ZSWIM6: variants seen among roughly 807,000 people sequenced by gnomAD.
ZSWIM6 encodes the protein zinc finger SWIM domain-containing protein 6.
In ZSWIM6, 9 loss-of-function variants were observed where a neutral mutation model predicts 113.2. The observed-to-expected ratio is 0.08, with a 90% CI of 0.05 to 0.14. The LOEUF is 0.14. Among genes scored for constraint, ZSWIM6 ranks in the 10% least tolerant of loss-of-function variants. The probability of loss-of-function intolerance (pLI) is 1.00; values close to 1 mark genes in which losing one functional copy is unlikely to be tolerated. For synonymous variants in ZSWIM6, 611 were observed against 606.5 expected (o/e 1.01, Z -0.11); for missense variants, 1,162 against 1,552.2 (o/e 0.75, Z 4.22).
At chr5:61,454,567 GTTTTTTTT>G (rs35249460) in intron 1 of ZSWIM6, among the ~76,000 whole-genome samples, 7 of 128,244 alleles carry the variant, frequency 5.5e-5, no homozygotes, top group Non-Finnish European at 6.5e-5. Context: ...CTATCCCTAA[GTTTTTTTT>G]TTTTTTTTTT....
chr5:61,439,717 T>C (rs1746785150), intron 1 of ZSWIM6, among the ~76,000 whole-genome samples: 1 of 152,232 alleles, frequency 6.6e-6, no homozygotes, highest in Non-Finnish European at 1.5e-5. Context: ...TGTCTTGGTA[T>C]GTTTGTGCAC....
intron 1 of ZSWIM6, among the ~76,000 whole-genome samples, chr5:61,404,233 A>AT (rs1284032111): frequency 1.3e-5 from 2 of 152,084 alleles, no homozygotes; most frequent in Non-Finnish European, 2.9e-5. Flanking sequence ...TTAAAAAAGT[A>AT]TTTTTTGTAC....
rs532080034 is a variant in ZSWIM6, at chr5:61,336,954, C to T, written c.676+4006C>T. On this transcript the variant is annotated intron_variant, in intron 1 of 13. Transcript: ENST00000252744. ...TCAGAGAGGAAGACATGTAGATGGC[C>T]GGTAAACATACTCATCTTCATTCTT... 2.9e-4 allele frequency among the ~76,000 whole-genome samples: 44 copies of T among 152,046 alleles called. 1 individual carries two copies. The highest frequency in any genetic ancestry group is 5.9e-5 in the Non-Finnish European group (4 of 68,018).
intron 1 of ZSWIM6, among the ~76,000 whole-genome samples, chr5:61,352,767 C>T (rs1744818858): frequency 6.6e-6 from 1 of 152,224 alleles, no homozygotes; most frequent in Non-Finnish European, 1.5e-5. Flanking sequence ...GTCTCTAATA[C>T]ATTCTGTTTG....
At chr5:61,536,169 T>G in intron 10 of ZSWIM6, among the ~76,000 whole-genome samples, 1 of 152,224 alleles carries the variant, frequency 6.6e-6, no homozygotes, top group East Asian at 1.9e-4. Context: ...TCTGCCTGCC[T>G]CTCTTCTGAC....
chr5:61,369,942 A>G (rs1341993038), intron 1 of ZSWIM6, among the ~76,000 whole-genome samples: 1 of 152,220 alleles, frequency 6.6e-6, no homozygotes, highest in Non-Finnish European at 1.5e-5. Flanking sequence ...GATTTTACCA[A>G]AAAACAAACT....
At chr5:61,512,658 T>C (rs1748821303) in intron 4 of ZSWIM6, among the ~76,000 whole-genome samples, 1 of 152,182 alleles carries the variant, frequency 6.6e-6, no homozygotes, top group African/African-American at 2.4e-5. Flanking sequence ...TTTTTTATAA[T>C]TGTAGCTATT....
At chr5:61,364,393 G>A (rs1745109088) in intron 1 of ZSWIM6, among the ~76,000 whole-genome samples, 1 of 152,096 alleles carries the variant, frequency 6.6e-6, no homozygotes, top group African/African-American at 2.4e-5. Flanking sequence ...CTGTTTTTGT[G>A]TAGCCTGCAA....
intron 1 of ZSWIM6, among the ~76,000 whole-genome samples, chr5:61,424,583 C>A (rs983560198): frequency 2.6e-4 from 40 of 152,170 alleles, no homozygotes; most frequent in Non-Finnish European, 4.4e-4. Context: ...ATCTTTCGAA[C>A]CTCGAAGAGC....
At chr5:61,369,816 A>G (rs1745228007) in intron 1 of ZSWIM6, among the ~76,000 whole-genome samples, 1 of 152,212 alleles carries the variant, frequency 6.6e-6, no homozygotes, top group African/African-American at 2.4e-5. Context: ...AAGATTTGCA[A>G]TATTACTAAA....
intron 1 of ZSWIM6, among the ~76,000 whole-genome samples, chr5:61,415,523 C>A (rs1408815959): frequency 1.3e-5 from 2 of 151,122 alleles, no homozygotes; most frequent in South Asian, 2.1e-4. Flanking sequence ...ACCAGGGAGT[C>A]ACAGGTTGCA....
intron 1 of ZSWIM6, among the ~76,000 whole-genome samples, chr5:61,392,111 G>C (rs141454739): frequency 0.015 from 2,336 of 152,310 alleles, 25 homozygotes; most frequent in Non-Finnish European, 0.026. Flanking sequence ...GGTGGCTGGA[G>C]TGTTATGTGA....
At chr5:61,345,802 A>G (rs1050337471) in intron 1 of ZSWIM6, among the ~76,000 whole-genome samples, 1 of 152,200 alleles carries the variant, frequency 6.6e-6, no homozygotes, top group Non-Finnish European at 1.5e-5. Flanking sequence ...TTTTCTTCAC[A>G]TTATCTTTAA....
intron 1 of ZSWIM6, among the ~76,000 whole-genome samples, chr5:61,344,835 T>C (rs1471990760): frequency 6.6e-6 from 1 of 152,234 alleles, no homozygotes; most frequent in Non-Finnish European, 1.5e-5. Context: ...CTTTCAGATA[T>C]CAAACAAAAC....
At chr5:61,374,176 A>G (rs867255260) in intron 1 of ZSWIM6, among the ~76,000 whole-genome samples, 1 of 152,194 alleles carries the variant, frequency 6.6e-6, no homozygotes. Flanking sequence ...ATAAACCATT[A>G]TGTTAGGGGT....
rs149402340 is a variant in ZSWIM6, at chr5:61,497,898, A to G, written c.1333+3488A>G. The stretch of plus-strand genomic sequence containing the variant: ...AATTTTCTGGAAAGCAGATCACAGA[A>G]ATAACCTCTGGATTTCCAAGAACAA... On this transcript the variant is annotated intron_variant, in intron 4 of 13. Coordinates refer to ENST00000252744, the MANE Select transcript of ZSWIM6 (RefSeq NM_020928.2). 6.8e-3 allele frequency among the ~76,000 whole-genome samples: 1,036 copies of G among 152,334 alleles called. 7 individuals are homozygous for G. The highest frequency in any genetic ancestry group is 0.017 in the Middle Eastern group (5 of 294).
At chr5:61,518,970 G>A (rs1164051908) in intron 4 of ZSWIM6, among the ~76,000 whole-genome samples, 1 of 151,818 alleles carries the variant, frequency 6.6e-6, no homozygotes, top group Non-Finnish European at 1.5e-5. Context: ...TTTGTATAAG[G>A]TGTAAGGAAG....
chr5:61,502,928 C>T (rs1301007859), intron 4 of ZSWIM6, among the ~76,000 whole-genome samples: 2 of 152,002 alleles, frequency 1.3e-5, no homozygotes, highest in African/African-American at 2.4e-5. Flanking sequence ...AGTACTCATA[C>T]GTGGAAAAAT....
chr5:61,384,712 T>C (rs1044706152), intron 1 of ZSWIM6, among the ~76,000 whole-genome samples: 2 of 152,184 alleles, frequency 1.3e-5, no homozygotes, highest in African/African-American at 4.8e-5. Context: ...TTGGACCATA[T>C]GTAAATGGCC....
Sources: gnomAD v4.1 joint callset for allele counts (sites outside exome capture counted in the v4.1 genomes callset) on GRCh38, gnomAD v4.1.1 for gene constraint, MANE v1.5 for transcripts, NCBI Gene and HGNC (gene_info 2026-07-23, HGNC 2026-07-21) for gene names.